PDS5B: variants seen among roughly 807,000 people sequenced by gnomAD.
PDS5B encodes PDS5 cohesin associated factor B.
Under a neutral mutation model 184.1 loss-of-function variants are expected in PDS5B, and 51 were observed. The ratio of observed to expected loss-of-function variants is 0.28; its 90% confidence interval spans 0.22 to 0.35. The LOEUF (loss-of-function observed/expected upper bound fraction) is 0.35, where lower values mean the gene tolerates loss of function less well. Ranked by LOEUF, PDS5B falls within the 10% of genes least tolerant of loss-of-function variation. The probability of loss-of-function intolerance (pLI) is 1.00; values close to 1 mark genes in which losing one functional copy is unlikely to be tolerated. For missense variants in PDS5B, 1,180 were observed against 1,723.3 expected (o/e 0.68, Z 5.58); for synonymous variants, 566 against 569.2 (o/e 0.99, Z 0.08).
At chr13:32,728,930 T>A (rs898525450) in intron 19 of PDS5B, among the ~76,000 whole-genome samples, 6 of 152,204 alleles carry the variant, frequency 3.9e-5, no homozygotes, top group Non-Finnish European at 8.8e-5. Context: ...ATATGTCTTC[T>A]TTTTTAAAAA....
At chr13:32,708,651 C>A (rs550889752) in intron 18 of PDS5B, among the ~76,000 whole-genome samples, 2 of 152,000 alleles carry the variant, frequency 1.3e-5, no homozygotes, top group African/African-American at 4.8e-5. Flanking sequence ...AAAAGATTTG[C>A]GAATCTGATA....
intron 13 of PDS5B, chr13:32,691,076 T>C (rs1338308451): frequency 6.6e-6 from 1 of 151,196 alleles, no homozygotes; most frequent in Non-Finnish European, 1.5e-5. Context: ...AAAATACCTA[T>C]GAATCTATTA....
chr13:32,759,404 T>TA (rs1308240168), intron 28 of PDS5B, among the ~76,000 whole-genome samples: 1 of 152,194 alleles, frequency 6.6e-6, no homozygotes, highest in Non-Finnish European at 1.5e-5. Context: ...GATGCACTCT[T>TA]AGAGCTCTAA....
chr13:32,712,764 A>G (rs1952248418), intron 19 of PDS5B, among the ~76,000 whole-genome samples: 1 of 152,232 alleles, frequency 6.6e-6, no homozygotes, highest in South Asian at 2.1e-4. Flanking sequence ...CTGTACTAGG[A>G]CTAAAGGAGA....
intron 9 of PDS5B, among the ~76,000 whole-genome samples, chr13:32,678,222 T>G (rs1330055915): frequency 6.6e-6 from 1 of 152,214 alleles, no homozygotes; most frequent in Non-Finnish European, 1.5e-5. Context: ...ATTTGAGGCT[T>G]AAGTGACATA....
intron 6 of PDS5B, among the ~76,000 whole-genome samples, chr13:32,664,813 G>A (rs1215067552): frequency 6.6e-6 from 1 of 151,576 alleles, no homozygotes; most frequent in Non-Finnish European, 1.5e-5. Context: ...ATCACACCAC[G>A]GCACTCCAGC....
intron 33 of PDS5B, among the ~76,000 whole-genome samples, chr13:32,772,000 A>G (rs1265566617): frequency 1.3e-5 from 2 of 151,710 alleles, no homozygotes; most frequent in African/African-American, 4.8e-5. Context: ...TTGGAAGCCT[A>G]TCTTCCTTTC....
At chr13:32,682,322 T>C (rs1477336146) in intron 10 of PDS5B, among the ~76,000 whole-genome samples, 1 of 152,200 alleles carries the variant, frequency 6.6e-6, no homozygotes. Context: ...TTTTCTGGTT[T>C]CTATTTCTGT....
At chr13:32,716,961 A>G (rs1296349147) in intron 19 of PDS5B, among the ~76,000 whole-genome samples, 2 of 88,572 alleles carry the variant, frequency 2.3e-5, no homozygotes, top group African/African-American at 4.6e-5. Flanking sequence ...CCCGTCCGGG[A>G]GGGAGGTGGG....
intron 9 of PDS5B, 94 bp downstream of exon 9, chr13:32,676,053 G>A: frequency 1.5e-6 from 1 of 645,196 alleles, no homozygotes; most frequent in South Asian, 2.4e-5. Context: ...GTGTTCTCTG[G>A]AATCATAAAA....
chr13:32,660,867 A>G (rs1335361338), intron 6 of PDS5B, among the ~76,000 whole-genome samples: 1 of 152,178 alleles, frequency 6.6e-6, no homozygotes, highest in Admixed American at 6.5e-5. Context: ...TCTTTTGCTT[A>G]GTCCATTTAG....
chr13:32,667,026 T>C (rs1950815812), intron 6 of PDS5B, among the ~76,000 whole-genome samples: 1 of 151,974 alleles, frequency 6.6e-6, no homozygotes, highest in African/African-American at 2.4e-5. Flanking sequence ...TTAGTATGAA[T>C]GAAATAATAA....
At chr13:32,654,582 T>C (rs546822904) in intron 3 of PDS5B, among the ~76,000 whole-genome samples, 4 of 152,288 alleles carry the variant, frequency 2.6e-5, no homozygotes, top group Admixed American at 6.5e-5. Flanking sequence ...AGGTTTGTTA[T>C]GTAGGTAAAT....
chr13:32,678,051 G>T (rs1951119969), intron 9 of PDS5B, among the ~76,000 whole-genome samples: 1 of 151,918 alleles, frequency 6.6e-6, no homozygotes, highest in Non-Finnish European at 1.5e-5. Flanking sequence ...CAAGTTTTTA[G>T]ATCTAACTAC....
At position 32,695,007 on chromosome 13, in the gene PDS5B, TAC is replaced by T. The variant is rs1430696906; in HGVS notation, c.1551+706_1551+707del. Among the ~76,000 whole-genome samples, 3 of 151,898 alleles carry T rather than the reference TAC, an allele frequency of 2.0e-5. No individual in the cohort carries two copies. In the East Asian group the frequency reaches 5.8e-4, roughly 29 times the overall value. On this transcript the variant is annotated intron_variant, in intron 14 of 34. Coordinates refer to ENST00000315596, the MANE Select transcript of PDS5B (RefSeq NM_015032.4). ...TTTTTCTCAATCTCCCTTCCACACA[TAC>T]ACTTCATAGGACAGAGGTCAATGGA...
intron 26 of PDS5B, among the ~76,000 whole-genome samples, chr13:32,757,108 C>T (rs188995895): frequency 2.0e-5 from 3 of 150,312 alleles, no homozygotes; most frequent in Non-Finnish European, 3.0e-5. Context: ...CCTGGGCAAA[C>T]AGAGTGAGAC....
Position 32,732,100 on chromosome 13 carries a change from G to T in PDS5B, c.2124-1G>T. 1 of 1,595,844 alleles carries T rather than the reference G, an allele frequency of 6.3e-7. No homozygotes were observed. Among genetic ancestry groups the T allele is most frequent in the Non-Finnish European group, 8.5e-7 (1 of 1,171,790 alleles). The stretch of plus-strand genomic sequence containing the variant: ...GTTTTTCTTTGATTTTTTTTTAATA[G>T]AGCCTTGCTTCCTGTTTTACATCAC... On this transcript the variant is annotated splice_acceptor_variant, in intron 19 of 34. Coordinates refer to ENST00000315596, the MANE Select transcript of PDS5B (RefSeq NM_015032.4). LOFTEE classifies it high-confidence loss of function.
In PDS5B at chr13:32,701,351, C is replaced by G; in HGVS notation, c.1769C>G (p.Pro590Arg). ...GAAATAACTAAGAAGTTGGGCAACC[C>G]CAAACAGCCTACAAATCCTTTCCTG... Reference protein sequence around the residue: ...VREITKKLGNPKQPTNPFLEM... With the variant: ...VREITKKLGNRKQPTNPFLEM... Residue 590 changes from proline to arginine, a missense_variant, in exon 17 of 35, where the codon CCC (proline) becomes CGC (arginine). This residue lies in a region of PDS5B where 475 missense variants were observed against 691.5 expected (regional missense o/e 0.69). Coordinates refer to ENST00000315596, the MANE Select transcript of PDS5B (RefSeq NM_015032.4). 5.0e-6 allele frequency: 8 copies of G among 1,612,016 alleles called. No homozygotes were observed. Among genetic ancestry groups the G allele is most frequent in the Non-Finnish European group, 6.8e-6 (8 of 1,178,470 alleles).
intron 3 of PDS5B, 114 bp downstream of exon 3, chr13:32,652,121 C>A: frequency 8.7e-6 from 6 of 693,146 alleles, no homozygotes; most frequent in Non-Finnish European, 1.5e-5. Context: ...ACATTAGCTA[C>A]AGTAATCTTT....
Sources: allele counts gnomAD v4.1 joint callset (sites outside exome capture counted in the v4.1 genomes callset), GRCh38; gene constraint gnomAD v4.1.1; regional missense constraint gnomAD v4.1.1; transcripts MANE v1.5; gene names NCBI Gene and HGNC (gene_info 2026-07-23, HGNC 2026-07-21).